Variants in PARP1 observed in about 807,000 individuals in gnomAD.
The protein encoded by PARP1 is poly(ADP-ribose) polymerase 1.
PARP1 carries 44 observed loss-of-function variants against 118.7 expected under a neutral mutation model. The observed-to-expected ratio is 0.37, with a 90% CI of 0.29 to 0.48. PARP1 has a LOEUF of 0.48. Ranked by LOEUF, PARP1 falls within the 20% of genes least tolerant of loss-of-function variation. The probability of loss-of-function intolerance (pLI) is 0.99; values close to 1 mark genes in which losing one functional copy is unlikely to be tolerated. For missense variants in PARP1, 1,100 were observed against 1,272.4 expected (o/e 0.86, Z 2.06); for synonymous variants, 492 against 483.2 (o/e 1.02, Z -0.24).
chr1:226,379,767 C>T, intron 10 of PARP1, 126 bp from the exon 11 acceptor site: 1 of 1,355,562 alleles, frequency 7.4e-7, no homozygotes, highest in Non-Finnish European at 1.1e-6. Context: ...ATACACACTA[C>T]TCCCGCCACC....
chr1:226,379,982 G>A lies in PARP1; in HGVS notation c.1483C>T (p.Pro495Ser), dbSNP rs753253206. 6 of 1,614,006 alleles carry A rather than the reference G, an allele frequency of 3.7e-6. No individual in the cohort carries two copies. The African/African-American group carries it at 5.3e-5, about 14-fold the overall frequency. ...VKAEPVEVVA[P>S]RGKSGAALSK... is the part of the protein sequence containing the mutation. ...AGCGCAGCCCCTGACTTCCCTCTTG[G>A]GGCCACAACTTCAACAGGCTCTGCC... Residue 495 changes from proline (P) to serine (S), a missense_variant, in exon 10 of 23, where the codon CCA becomes TCA. Physicochemically the swap from Pro to Ser is moderately conservative, Grantham distance 74 (BLOSUM62 -1). Around this residue, in one of 2 missense-constraint regions of PARP1, gnomAD observed 948 missense variants for 1,031.8 expected, o/e 0.92. Transcript: ENST00000366794.
At chr1:226,388,620 A>G in intron 5 of PARP1, 36 bp downstream of exon 5, 1 of 1,336,734 alleles carries the variant, frequency 7.5e-7, no homozygotes, top group Non-Finnish European at 1.1e-6. Context: ...TCCAGACAGC[A>G]GAATGTCGAA....
At chr1:226,371,938 C>T (rs1048580898) in intron 14 of PARP1, among the ~76,000 whole-genome samples, 15 of 152,216 alleles carry the variant, frequency 9.9e-5, no homozygotes, top group East Asian at 3.8e-4. Context: ...TCAGGCACAG[C>T]GCTGGACAGC....
In PARP1 at chr1:226,367,167, G is replaced by GAAAC. The variant is rs56052523; in HGVS notation, c.2406+309_2406+312dup. On this transcript the variant is annotated intron_variant, in intron 17 of 22. Transcript: ENST00000366794. Reference sequence around the variant, plus strand: ...GAGCTCCTCTCTAGATTAAGGAGAGGAAACAAACAAACAAACAAACAAAAA... The same window carrying GAAAC: ...GAGCTCCTCTCTAGATTAAGGAGAGGAAACAAACAAACAAACAAACAAACAAAAA... 164 of 409,044 alleles carry GAAAC rather than the reference G, an allele frequency of 4.0e-4. 1 individual carries two copies. The highest frequency in any genetic ancestry group is 1.6e-3 in the South Asian group (71 of 45,250). 25.3% of individuals were successfully genotyped at this position (409,044 alleles called of 1,614,324 possible). A position where few individuals can be genotyped will look rare whatever the true frequency, so the allele number is the denominator to read the frequency against.
At position 226,381,089 on chromosome 1, in the gene PARP1, A is replaced by C. The variant is rs1664595502; in HGVS notation, c.1279T>G (p.Ser427Ala). The part of the protein sequence containing the change: ...GKLTGTANKA[S>A]LCISTKKEVE... ...TCACTTTTGGTGCTGATGCACAGGG[A>C]AGCCTTGTTGGCCGTCCCCGTCAAC... The change falls in exon 9 of 23, where the codon TCC (serine) becomes GCC (alanine). Residue 427 changes from serine (S) to alanine (A), a missense_variant. Transcript: ENST00000366794. The C allele has an allele frequency of 6.2e-7, 1 of 1,614,090 alleles. No individual in the cohort carries two copies. The highest frequency in any genetic ancestry group is 8.5e-7 in the Non-Finnish European group (1 of 1,180,036).
chr1:226,385,641 G>C lies in PARP1; in HGVS notation c.874C>G (p.Leu292Val). The change falls in exon 7 of 23, where the codon CTC becomes GTC. Residue 292 changes from leucine (L) to valine (V), a missense_variant. By Grantham distance (32) the Leu-to-Val change is conservative (BLOSUM62 1). This residue lies in a region of PARP1 where 948 missense variants were observed against 1,031.8 expected (regional missense o/e 0.92). Coordinates refer to ENST00000366794, the MANE Select transcript of PARP1 (RefSeq NM_001618.4). ...CCCGAGCATTCCTCGCAGGGAAGGA[G>C]GGCACCGAACACCATGCCATCAGCT... Reference protein sequence around the residue: ...RVADGMVFGALLPCEECSGQL... With the variant: ...RVADGMVFGAVLPCEECSGQL... The C allele has an allele frequency of 1.2e-6, 2 of 1,614,142 alleles. No individual in the cohort carries two copies. Among genetic ancestry groups the C allele is most frequent in the South Asian group, 1.1e-5 (1 of 91,070 alleles).
chr1:226,375,922 T>C (rs1391157794), intron 13 of PARP1, among the ~76,000 whole-genome samples: 1 of 152,336 alleles, frequency 6.6e-6, no homozygotes, highest in East Asian at 1.9e-4. Context: ...GAAAAAGATA[T>C]CTACCATTAC....
chr1:226,371,500 T>C (rs905557343), intron 14 of PARP1, among the ~76,000 whole-genome samples: 2 of 152,094 alleles, frequency 1.3e-5, no homozygotes, highest in African/African-American at 2.4e-5. Flanking sequence ...TCTAATAACA[T>C]CCACAAGCCC....
At chr1:226,375,815 A>G (rs1292768409) in intron 13 of PARP1, among the ~76,000 whole-genome samples, 3 of 152,234 alleles carry the variant, frequency 2.0e-5, no homozygotes, top group South Asian at 2.1e-4. Context: ...TCTAGAAGAC[A>G]TAAGGAAATG....
chr1:226,364,375 C>T, intron 19 of PARP1: 1 of 380,566 alleles, frequency 2.6e-6, no homozygotes, highest in Non-Finnish European at 5.1e-6. Flanking sequence ...ATGAGCTCAT[C>T]AGTGTTACTT....
chr1:226,387,045 C>T (rs548463625), intron 5 of PARP1, among the ~76,000 whole-genome samples: 14 of 152,268 alleles, frequency 9.2e-5, no homozygotes, highest in Middle Eastern at 6.8e-3. Context: ...TGCAATGATG[C>T]GGTCTCAGCT....
At chr1:226,391,691 T>C (rs1664822475) in intron 3 of PARP1, among the ~76,000 whole-genome samples, 2 of 152,210 alleles carry the variant, frequency 1.3e-5, no homozygotes, top group African/African-American at 4.8e-5. Context: ...AATCAATTAA[T>C]ATGTGCATGT....
intron 2 of PARP1, among the ~76,000 whole-genome samples, chr1:226,393,661 T>C (rs907836946): frequency 3.3e-5 from 5 of 152,168 alleles, no homozygotes; most frequent in African/African-American, 7.2e-5. Flanking sequence ...GCAAAATTAA[T>C]CTATGGGGAT....
intron 17 of PARP1, 59 bp from the exon 18 acceptor site, chr1:226,366,111 G>A: frequency 8.7e-7 from 1 of 1,144,554 alleles, no homozygotes; most frequent in East Asian, 2.3e-5. Flanking sequence ...TACAGAGGAG[G>A]AATGCTCAGG....
In PARP1 at chr1:226,377,117, G is replaced by C. The variant is rs2102733702; in HGVS notation, c.1932C>G (p.Asp644Glu). Residue 644 changes from aspartate (D) to glutamate (E), a missense_variant, in exon 13 of 23, where the codon GAC becomes GAG. By Grantham distance (45) the Asp-to-Glu change is conservative. Coordinates refer to ENST00000366794, the MANE Select transcript of PARP1 (RefSeq NM_001618.4). ...YPKKFYPLEI[D>E]YGQDEEAVKK... ...GGCATTATGTGGTTACCTGGCCATA[G>C]TCAATCTCCAGGGGGTAGAACTTTT... 1 of 1,613,634 alleles carries C rather than the reference G, an allele frequency of 6.2e-7. No homozygotes were observed. The highest frequency in any genetic ancestry group is 8.5e-7 in the Non-Finnish European group (1 of 1,179,846).
At chr1:226,367,410 C>T (rs1664292234) in intron 17 of PARP1, 70 bp downstream of exon 17, 2 of 1,571,550 alleles carry the variant, frequency 1.3e-6, no homozygotes, top group Admixed American at 3.3e-5. Flanking sequence ...TCCTAACACA[C>T]ATGGAAGTTT....
intron 4 of PARP1, among the ~76,000 whole-genome samples, chr1:226,389,497 C>T (rs1482711928): frequency 6.6e-6 from 1 of 152,198 alleles, no homozygotes; most frequent in Non-Finnish European, 1.5e-5. Flanking sequence ...TGGTGATGGG[C>T]AAATGAAACA....
At chr1:226,362,545 A>C (rs1246551652) in intron 21 of PARP1, among the ~76,000 whole-genome samples, 1 of 152,204 alleles carries the variant, frequency 6.6e-6, no homozygotes, top group Non-Finnish European at 1.5e-5. Context: ...TTTAATGAGA[A>C]CAGTGGCAGT....
intron 20 of PARP1, 104 bp downstream of exon 20, chr1:226,363,839 T>C: frequency 1.6e-6 from 2 of 1,234,484 alleles, no homozygotes; most frequent in Non-Finnish European, 2.4e-6. Flanking sequence ...GTCCAGTAAC[T>C]GCAGTGGGGA....
Sources: allele counts gnomAD v4.1 joint callset (sites outside exome capture counted in the v4.1 genomes callset), GRCh38; gene constraint gnomAD v4.1.1; regional missense constraint gnomAD v4.1.1; transcripts MANE v1.5; gene names NCBI Gene and HGNC (gene_info 2026-07-23, HGNC 2026-07-21).